CELF2: variants seen among roughly 807,000 people sequenced by gnomAD.
CELF2 encodes CUGBP Elav-like family member 2.
Under a neutral mutation model 62.6 loss-of-function variants are expected in CELF2, and 8 were observed. That is an observed-to-expected ratio of 0.13 (90% CI 0.07 to 0.23). The LOEUF is 0.23. CELF2 is among the 10% of genes least tolerant of loss of function. CELF2 has a pLI of 1.00. For missense variants in CELF2, 333 were observed against 671.0 expected (o/e 0.50, Z 5.56); for synonymous variants, 258 against 250.0 (o/e 1.03, Z -0.30).
the CELF2 span, among the ~76,000 whole-genome samples, chr10:10,465,863 C>T: frequency 1.3e-5 from 2 of 152,122 alleles, no homozygotes; most frequent in African/African-American, 2.4e-5. Flanking sequence ...CCTCTGTGTT[C>T]GTGTTGAATT....
At chr10:11,118,454 C>T (rs1032323709) in intron 1 of CELF2, among the ~76,000 whole-genome samples, 1 of 151,968 alleles carries the variant, frequency 6.6e-6, no homozygotes, top group Non-Finnish European at 1.5e-5. Flanking sequence ...AGTGTGAGCC[C>T]CCATGTGCCT....
chr10:11,333,293 T>C lies in CELF2; in HGVS notation c.*4240T>C, dbSNP rs1012462019. The C allele has an allele frequency of 6.6e-6, 1 of 152,620 alleles. No homozygotes were observed. The highest frequency in any genetic ancestry group is 6.5e-5 in the Admixed American group (1 of 15,292). The allele number at this position is 152,620 out of a possible 1,614,324, so 9.5% of individuals were successfully genotyped here. ...CCTTCTATCCACTTTTATCTTTTAA[T>C]AAATATCAAAAGGAAAAAGCTGCAA... On this transcript the variant is annotated 3_prime_UTR_variant, in exon 13 of 13. Coordinates refer to ENST00000633077, the MANE Select transcript of CELF2 (RefSeq NM_001326342.2).
chr10:11,120,639 T>G (rs1011945207), intron 1 of CELF2, among the ~76,000 whole-genome samples: 1 of 152,174 alleles, frequency 6.6e-6, no homozygotes, highest in Non-Finnish European at 1.5e-5. Flanking sequence ...CTAGGACAAC[T>G]GCATTCAACT....
At chr10:11,122,417 ATGT>A (rs1261580510) in intron 1 of CELF2, among the ~76,000 whole-genome samples, 1 of 152,240 alleles carries the variant, frequency 6.6e-6, no homozygotes, top group Non-Finnish European at 1.5e-5. Context: ...AAAGGCTTTT[ATGT>A]TGTTCAGAAA....
chr10:11,256,685 G>A lies in CELF2; in HGVS notation c.404-1053G>A, dbSNP rs866950431. Among the ~76,000 whole-genome samples the A allele has an allele frequency of 9.8e-5, 14 of 142,404 alleles. No individual in the cohort carries two copies. The East Asian group carries it at 1.8e-3, about 18-fold the overall frequency. 93.4% of individuals were successfully genotyped at this position (142,404 alleles called of 152,430 possible). A position where few individuals can be genotyped will look rare whatever the true frequency, so the allele number is the denominator to read the frequency against. On this transcript the variant is annotated intron_variant, in intron 4 of 12. Coordinates refer to ENST00000633077, the MANE Select transcript of CELF2 (RefSeq NM_001326342.2). ...GTCCTTAAAAAAAAAAAAAAAAAAG[G>A]CACCTCTCCTAAAAAGGACTCCAAA...
At chr10:10,563,590 A>G in the CELF2 span, among the ~76,000 whole-genome samples, 14 of 145,932 alleles carry the variant, frequency 9.6e-5, no homozygotes, top group African/African-American at 3.4e-4. Flanking sequence ...CCTGGGCGAC[A>G]TAGGGAGACT....
the CELF2 span, among the ~76,000 whole-genome samples, chr10:10,518,022 A>ACCAC: frequency 6.6e-6 from 1 of 152,134 alleles, no homozygotes; most frequent in Non-Finnish European, 1.5e-5. Flanking sequence ...CCACGTTACA[A>ACCAC]CCACCCACCA....
intron 1 of CELF2, among the ~76,000 whole-genome samples, chr10:10,871,576 G>A (rs2060751575): frequency 6.6e-6 from 1 of 152,062 alleles, no homozygotes. Flanking sequence ...ACGAGGTCTA[G>A]AGACCTAGTG....
the CELF2 span, among the ~76,000 whole-genome samples, chr10:10,495,107 T>G: frequency 3.4e-5 from 5 of 145,216 alleles, no homozygotes; most frequent in Admixed American, 3.3e-4. Flanking sequence ...AAACCCCGTC[T>G]CTACTAAAAA....
the CELF2 span, among the ~76,000 whole-genome samples, chr10:10,520,886 G>A: frequency 6.6e-6 from 1 of 151,860 alleles, no homozygotes; most frequent in Non-Finnish European, 1.5e-5. Flanking sequence ...AGCATATGGG[G>A]GAAAAAAAGG....
chr10:11,235,449 C>T (rs528390363), intron 3 of CELF2, among the ~76,000 whole-genome samples: 1 of 152,274 alleles, frequency 6.6e-6, no homozygotes, highest in Admixed American at 6.5e-5. Flanking sequence ...TGAAGATAAG[C>T]ATATTTATAG....
At chr10:11,003,781 C>CA (rs1330912993), upstream of CELF2, among the ~76,000 whole-genome samples, 6 of 151,972 alleles carry the variant, frequency 3.9e-5, no homozygotes, top group Non-Finnish European at 7.4e-5. The surrounding 1 kb of genome is among the most constrained non-coding windows in gnomAD (Gnocchi z 4.4). Flanking sequence ...CATTCGCTGG[C>CA]AAGGTTGTTC....
chr10:10,621,060 A>G, the CELF2 span, among the ~76,000 whole-genome samples: 1 of 149,798 alleles, frequency 6.7e-6, no homozygotes, highest in Non-Finnish European at 1.5e-5. Context: ...CGTCTCCACT[A>G]AAAATAAAAA....
At chr10:10,893,840 A>G (rs2062336878) in intron 1 of CELF2, among the ~76,000 whole-genome samples, 1 of 152,062 alleles carries the variant, frequency 6.6e-6, no homozygotes, top group Admixed American at 6.6e-5. Context: ...ATGGCGCTAA[A>G]CTGTTCATGA....
At chr10:10,464,229 A>G in the CELF2 span, among the ~76,000 whole-genome samples, 1 of 152,146 alleles carries the variant, frequency 6.6e-6, no homozygotes, top group South Asian at 2.1e-4. Context: ...AACAAGAGAA[A>G]ATGCTGTGGA....
intron 2 of CELF2, among the ~76,000 whole-genome samples, chr10:11,213,129 T>C (rs2062365067): frequency 6.6e-6 from 1 of 152,134 alleles, no homozygotes; most frequent in South Asian, 2.1e-4. Flanking sequence ...CTCCACTCCA[T>C]GGACAGTAGG....
At chr10:10,709,941 C>A in the CELF2 span, among the ~76,000 whole-genome samples, 2 of 152,228 alleles carry the variant, frequency 1.3e-5, no homozygotes, top group South Asian at 2.1e-4. Flanking sequence ...GAAGGGGGAG[C>A]TTTCTTCCCC....
intron 1 of CELF2, among the ~76,000 whole-genome samples, chr10:10,812,530 T>G (rs2056022719): frequency 6.6e-6 from 1 of 152,116 alleles, no homozygotes; most frequent in African/African-American, 2.4e-5. Flanking sequence ...AATAAAAGTC[T>G]CCGTTCCCCA....
At chr10:10,865,868 A>G (rs1387917174) in intron 1 of CELF2, among the ~76,000 whole-genome samples, 1 of 151,934 alleles carries the variant, frequency 6.6e-6, no homozygotes, top group Non-Finnish European at 1.5e-5. Context: ...TTTGAGCCCT[A>G]GATCATTAAT....
Sources: gnomAD v4.1 joint callset for allele counts (sites outside exome capture counted in the v4.1 genomes callset) on GRCh38, gnomAD v4.1.1 for gene constraint, Gnocchi (gnomAD v3.1) non-coding constraint, MANE v1.5 for transcripts, NCBI Gene and HGNC (gene_info 2026-07-23, HGNC 2026-07-21) for gene names.